Variants in FUT8 observed in about 807,000 individuals in gnomAD.
The protein encoded by FUT8 is alpha-(1,6)-fucosyltransferase.
In FUT8, 29 loss-of-function variants were observed where a neutral mutation model predicts 71.3. That is an observed-to-expected ratio of 0.41 (90% CI 0.30 to 0.55). FUT8 has a LOEUF of 0.55. FUT8 is among the 20% of genes least tolerant of loss of function. FUT8 has a pLI of 0.34. For synonymous variants in FUT8, 254 were observed against 239.3 expected, an observed-to-expected ratio of 1.06 and a Z score of -0.57; for missense variants, 544 against 702.1, an observed-to-expected ratio of 0.77 and a Z score of 2.55.
At chr14:65,369,345 T>C in the FUT8 span, among the ~76,000 whole-genome samples, 5 of 152,354 alleles carry the variant, frequency 3.3e-5, no homozygotes, top group East Asian at 9.6e-4. This position sits in a 1 kb window ranked among gnomAD's most constrained non-coding sequence, Gnocchi z 4.6. Context: ...ATATATTCAA[T>C]TTTTAAATTT....
At chr14:65,540,445 G>A (rs1285083004) in intron 2 of FUT8, among the ~76,000 whole-genome samples, 1 of 152,200 alleles carries the variant, frequency 6.6e-6, no homozygotes, top group African/African-American at 2.4e-5. Context: ...TATTGAAAGT[G>A]TAATAACTGG....
At chr14:65,357,626 C>T in the FUT8 span, among the ~76,000 whole-genome samples, 1 of 152,182 alleles carries the variant, frequency 6.6e-6, no homozygotes, top group Non-Finnish European at 1.5e-5. Context: ...AAGATGTGAC[C>T]TATTTTACAG....
At chr14:65,570,666 C>G (rs1886419649) in intron 3 of FUT8, among the ~76,000 whole-genome samples, 1 of 151,916 alleles carries the variant, frequency 6.6e-6, no homozygotes, top group Non-Finnish European at 1.5e-5. Context: ...TCCTTTGATT[C>G]CCTTTTAACC....
chr14:65,362,981 AAAGAG>A, the FUT8 span, among the ~76,000 whole-genome samples: 74 of 124,842 alleles, frequency 5.9e-4, no homozygotes, highest in African/African-American at 2.0e-3. Context: ...AAAAAAAAAA[AAAGAG>A]AAGAAATTCT....
rs2140291045 is a variant in FUT8 at position 65,638,719 on chromosome 14, A to G, written c.597+9113A>G. 6.6e-6 allele frequency among the ~76,000 whole-genome samples: 1 copy of G among 152,286 alleles called. No individual in the cohort carries two copies. Among genetic ancestry groups the G allele is most frequent in the South Asian group, 2.1e-4 (1 of 4,822 alleles). On this transcript the variant is annotated intron_variant, in intron 6 of 10. Coordinates refer to ENST00000673929, the MANE Select transcript of FUT8 (RefSeq NM_001371533.1). This position sits in a 1 kb window ranked among gnomAD's most constrained non-coding sequence, Gnocchi z 4.5. The stretch of plus-strand genomic sequence containing the variant: ...TCTTTGACAGGACTAATTCGTTAAG[A>G]TAGATTTAAAGCCAGAATATAACTA...
the FUT8 span, among the ~76,000 whole-genome samples, chr14:65,369,445 T>G: frequency 5.9e-5 from 9 of 152,194 alleles, no homozygotes; most frequent in African/African-American, 2.2e-4. The surrounding 1 kb of genome is among the most constrained non-coding windows in gnomAD (Gnocchi z 4.6). Flanking sequence ...GGATGAGACC[T>G]ACTGAGCTGC....
chr14:65,658,000 C>A (rs977487629), intron 6 of FUT8, among the ~76,000 whole-genome samples: 1 of 151,944 alleles, frequency 6.6e-6, no homozygotes, highest in Non-Finnish European at 1.5e-5. Flanking sequence ...TTTTTACTTA[C>A]CAGCAACCCC....
At chr14:65,664,821 T>C (rs1892129433) in intron 6 of FUT8, among the ~76,000 whole-genome samples, 1 of 152,126 alleles carries the variant, frequency 6.6e-6, no homozygotes, top group Non-Finnish European at 1.5e-5. Context: ...GGATAAAAGC[T>C]TCTGTTCTTG....
the FUT8 span, among the ~76,000 whole-genome samples, chr14:65,397,686 G>A: frequency 1.3e-5 from 2 of 152,242 alleles, no homozygotes; most frequent in Non-Finnish European, 2.9e-5. The surrounding 1 kb of genome is among the most constrained non-coding windows in gnomAD (Gnocchi z 4.2). Flanking sequence ...CTTGACCCCT[G>A]AGCTGCTGGG....
the FUT8 span, among the ~76,000 whole-genome samples, chr14:65,361,923 A>T: frequency 6.6e-6 from 1 of 152,244 alleles, no homozygotes; most frequent in Non-Finnish European, 1.5e-5. Flanking sequence ...GTTGTGGTAG[A>T]TCCTCCCCTA....
intron 7 of FUT8, among the ~76,000 whole-genome samples, chr14:65,693,367 C>T (rs976463162): frequency 3.3e-5 from 5 of 152,098 alleles, no homozygotes; most frequent in Non-Finnish European, 4.4e-5. Flanking sequence ...ACCAGTCAGG[C>T]GTGGCGGCGC....
chr14:65,369,188 A>G, the FUT8 span, among the ~76,000 whole-genome samples: 6 of 152,188 alleles, frequency 3.9e-5, no homozygotes, highest in Non-Finnish European at 7.4e-5. This position sits in a 1 kb window ranked among gnomAD's most constrained non-coding sequence, Gnocchi z 4.6. Flanking sequence ...GTTAAGCCTT[A>G]CAGATTAGGT....
chr14:65,735,481 C>T (rs1372812697), intron 10 of FUT8, among the ~76,000 whole-genome samples: 1 of 152,114 alleles, frequency 6.6e-6, no homozygotes, highest in East Asian at 1.9e-4. Flanking sequence ...AAGGCTCATA[C>T]TTATATTTCA....
chr14:65,474,339 A>G (rs2139650847), intron 2 of FUT8, among the ~76,000 whole-genome samples: 1 of 150,868 alleles, frequency 6.6e-6, no homozygotes, highest in East Asian at 2.0e-4. Flanking sequence ...AGGTTGGTTC[A>G]CGCCTGTAAT....
intron 7 of FUT8, among the ~76,000 whole-genome samples, chr14:65,692,410 A>AC (rs1453206177): frequency 8.5e-5 from 7 of 82,316 alleles, no homozygotes; most frequent in Non-Finnish European, 1.5e-4. Context: ...CGGGGGGCTG[A>AC]CCCCCCCACC....
intron 1 of FUT8, chr14:65,430,157 C>T (rs2065450596): frequency 6.6e-6 from 1 of 151,566 alleles, no homozygotes; most frequent in Non-Finnish European, 1.5e-5. Flanking sequence ...GTAGCTGGGA[C>T]TGTAGACACA....
At chr14:65,521,066 G>C (rs1265386459) in intron 2 of FUT8, among the ~76,000 whole-genome samples, 1 of 152,024 alleles carries the variant, frequency 6.6e-6, no homozygotes, top group East Asian at 1.9e-4. Context: ...GTAGAATAAT[G>C]TATCTCATTT....
intron 2 of FUT8, among the ~76,000 whole-genome samples, chr14:65,557,643 TAA>T (rs67803992): frequency 3.3e-4 from 48 of 145,916 alleles, no homozygotes; most frequent in Middle Eastern, 3.5e-3. Context: ...TTTTGTCTCT[TAA>T]AAAAAAAAAA....
At chr14:65,691,042 T>C (rs1337411895) in intron 7 of FUT8, among the ~76,000 whole-genome samples, 1 of 151,238 alleles carries the variant, frequency 6.6e-6, no homozygotes, top group Non-Finnish European at 1.5e-5. Context: ...GACTTTTGTA[T>C]ATCAACCTTG....
Sources: allele counts gnomAD v4.1 joint callset (sites outside exome capture counted in the v4.1 genomes callset), GRCh38; gene constraint gnomAD v4.1.1; non-coding constraint Gnocchi (gnomAD v3.1); transcripts MANE v1.5; gene names NCBI Gene and HGNC (gene_info 2026-07-23, HGNC 2026-07-21).